Variants in BANP observed in about 807,000 individuals in gnomAD.
BANP encodes the protein protein BANP.
In BANP, 11 loss-of-function variants were observed where a neutral mutation model predicts 68.1. The observed-to-expected ratio is 0.16, with a 90% CI of 0.10 to 0.27. BANP has a LOEUF of 0.27. Among genes scored for constraint, BANP ranks in the 10% least tolerant of loss-of-function variants. The pLI, the probability that BANP is intolerant of heterozygous loss-of-function variation, is 1.00. For synonymous variants in BANP, 329 were observed against 303.2 expected (o/e 1.09, Z -0.88); for missense variants, 504 against 722.7 (o/e 0.70, Z 3.47).
intron 11 of BANP, among the ~76,000 whole-genome samples, chr16:88,040,532 C>T (rs530826349): frequency 2.7e-5 from 4 of 150,478 alleles, no homozygotes; most frequent in East Asian, 3.9e-4. Context: ...CTCTCCTCCC[C>T]GTCCCCGTGC....
At chr16:88,022,724 G>A (rs888028644) in intron 7 of BANP, among the ~76,000 whole-genome samples, 3 of 152,186 alleles carry the variant, frequency 2.0e-5, no homozygotes, top group Non-Finnish European at 2.9e-5. Flanking sequence ...GCAGGGCCAC[G>A]CTGCCTGAGA....
intron 1 of BANP, chr16:87,963,560 G>A (rs1285165769): frequency 6.6e-6 from 1 of 152,208 alleles, no homozygotes; most frequent in East Asian, 1.9e-4. Flanking sequence ...CACTTCCTGT[G>A]GAAATGACTG....
At chr16:87,979,182 T>C (rs371576635) in intron 2 of BANP, among the ~76,000 whole-genome samples, 1 of 152,290 alleles carries the variant, frequency 6.6e-6, no homozygotes, top group East Asian at 1.9e-4. Context: ...CTTTTTTGTT[T>C]TCCTGTTAAG....
At chr16:88,030,478 T>C (rs1044317468) in intron 8 of BANP, among the ~76,000 whole-genome samples, 4 of 152,238 alleles carry the variant, frequency 2.6e-5, no homozygotes, top group African/African-American at 9.6e-5. Context: ...GCGGTCTGCT[T>C]CATCCAATGG....
intron 11 of BANP, among the ~76,000 whole-genome samples, chr16:88,038,525 G>A (rs532372900): frequency 7.2e-6 from 1 of 139,150 alleles, no homozygotes; most frequent in South Asian, 2.3e-4. Flanking sequence ...TGCGTATGTT[G>A]ATGGTGGTCA....
intron 1 of BANP, among the ~76,000 whole-genome samples, chr16:87,952,016 C>A (rs1213394098): frequency 5.8e-5 from 4 of 69,160 alleles, no homozygotes; most frequent in Non-Finnish European, 1.1e-4. Flanking sequence ...GACTTGCACA[C>A]GCAAGGGGCG....
Position 88,057,997 on chromosome 16 carries a change from G to A in BANP, c.1312-7270G>A, listed in dbSNP as rs544676559. Among the ~76,000 whole-genome samples the A allele has an allele frequency of 1.2e-4, 19 of 152,276 alleles. No individual in the cohort carries two copies. The highest frequency in any genetic ancestry group is 2.1e-4 in the South Asian group (1 of 4,826). ...CTCCTGCCCCCTTAAACTATGAAACGGCGGAGTTACACGGGAAGAAAGGGT... is the reference window on the plus strand; with the variant it reads ...CTCCTGCCCCCTTAAACTATGAAACAGCGGAGTTACACGGGAAGAAAGGGT... On this transcript the variant is annotated intron_variant, in intron 11 of 13. Transcript: ENST00000682872. This position sits in a 1 kb window ranked among gnomAD's most constrained non-coding sequence, Gnocchi z 4.6.
chr16:87,995,810 T>G (rs765782087), intron 4 of BANP, among the ~76,000 whole-genome samples: 2 of 152,264 alleles, frequency 1.3e-5, no homozygotes, highest in Non-Finnish European at 2.9e-5. Flanking sequence ...TGGGTCAAGA[T>G]CTTGGGCTCG....
At chr16:87,956,022 GAGGGAGT>G (rs1177350080) in intron 1 of BANP, among the ~76,000 whole-genome samples, 1 of 152,190 alleles carries the variant, frequency 6.6e-6, no homozygotes, top group Admixed American at 6.5e-5. Flanking sequence ...TGAGGGAGGT[GAGGGAGT>G]AGGGGTTTGG....
At chr16:87,977,393 T>C (rs1439504897) in intron 2 of BANP, among the ~76,000 whole-genome samples, 33 of 149,062 alleles carry the variant, frequency 2.2e-4, no homozygotes, top group Non-Finnish European at 4.5e-5. Flanking sequence ...CACTCCAGGC[T>C]GGGCGACAGA....
intron 4 of BANP, among the ~76,000 whole-genome samples, chr16:87,984,689 A>G (rs1231977457): frequency 2.0e-5 from 3 of 152,250 alleles, no homozygotes; most frequent in Admixed American, 6.5e-5. Context: ...TAAAAAGTAG[A>G]GTCTAATGAG....
chr16:87,996,819 T>C (rs942231525), intron 4 of BANP, among the ~76,000 whole-genome samples: 1 of 152,262 alleles, frequency 6.6e-6, no homozygotes. Flanking sequence ...TCATTTCCTT[T>C]TGTAATAAAA....
chr16:88,063,379 C>G, intron 11 of BANP, among the ~76,000 whole-genome samples: 1 of 152,214 alleles, frequency 6.6e-6, no homozygotes, highest in Admixed American at 6.5e-5. Flanking sequence ...TTCCACGTGG[C>G]CCGGCTCAGC....
Position 88,064,862 on chromosome 16 carries a change from G to T in BANP, c.1312-405G>T, listed in dbSNP as rs2152891096. Among the ~76,000 whole-genome samples, 1 of 152,364 alleles carries T rather than the reference G, an allele frequency of 6.6e-6. No individual in the cohort carries two copies. The highest frequency in any genetic ancestry group is 1.9e-4 in the East Asian group (1 of 5,174). On this transcript the variant is annotated intron_variant, in intron 11 of 13. Transcript: ENST00000682872. The surrounding 1 kb of genome is among the most constrained non-coding windows in gnomAD (Gnocchi z 4.5). The stretch of plus-strand genomic sequence containing the variant: ...CCTTCAGGCTGTCAGGAGGCCCTGG[G>T]AGGTGGCTAGAGCCCAGTGGCCTCC...
At chr16:87,975,660 C>G (rs2061946177) in intron 2 of BANP, among the ~76,000 whole-genome samples, 1 of 150,574 alleles carries the variant, frequency 6.6e-6, no homozygotes, top group Non-Finnish European at 1.5e-5. Context: ...TGTGTGTAAT[C>G]CCCTGTGTGT....
At position 88,054,471 on chromosome 16, in the gene BANP, CACT is replaced by C. The variant is rs1351966161; in HGVS notation, c.1312-10793_1312-10791del. Among the ~76,000 whole-genome samples, 6 of 152,304 alleles carry C rather than the reference CACT, an allele frequency of 3.9e-5. No homozygotes were observed. In the East Asian group the frequency reaches 7.7e-4, roughly 20 times the overall value. ...CTATTATGTCCCTCATCCTCACCAC[CACT>C]ACCAACAACACATCTATCACAGCAT... On this transcript the variant is annotated intron_variant, in intron 11 of 13. Transcript: ENST00000682872.
chr16:87,990,566 T>C (rs2152494089), intron 4 of BANP, among the ~76,000 whole-genome samples: 1 of 152,328 alleles, frequency 6.6e-6, no homozygotes, highest in Middle Eastern at 3.4e-3. Flanking sequence ...TAGCATTTCA[T>C]AGGCTTTAGA....
chr16:88,012,138 A>T (rs1442747527), intron 6 of BANP, among the ~76,000 whole-genome samples: 2 of 152,192 alleles, frequency 1.3e-5, no homozygotes, highest in Non-Finnish European at 2.9e-5. Context: ...AATAGGAGAG[A>T]TGAGTTATTG....
At chr16:88,016,580 C>T (rs565338047) in intron 6 of BANP, among the ~76,000 whole-genome samples, 33 of 152,356 alleles carry the variant, frequency 2.2e-4, no homozygotes, top group Admixed American at 9.8e-4. Flanking sequence ...GACCCAGCGC[C>T]AGGCCCTTGG....
Sources: gnomAD v4.1 joint callset for allele counts (sites outside exome capture counted in the v4.1 genomes callset) on GRCh38, gnomAD v4.1.1 for gene constraint, Gnocchi (gnomAD v3.1) non-coding constraint, MANE v1.5 for transcripts, NCBI Gene and HGNC (gene_info 2026-07-23, HGNC 2026-07-21) for gene names.